DOK7: variants seen among roughly 807,000 people sequenced by gnomAD.
DOK7 encodes docking protein 7, also known as protein Dok-7.
DOK7 carries 32 observed loss-of-function variants against 30.7 expected under a neutral mutation model. The ratio of observed to expected loss-of-function variants is 1.04; its 90% CI spans 0.79 to 1.40. The LOEUF (loss-of-function observed/expected upper bound fraction) is 1.40, where lower values mean the gene tolerates loss of function less well. Ranked by LOEUF, DOK7 falls within the 40% of genes most tolerant of loss-of-function variation. The pLI is 0.00. For synonymous variants in DOK7, 447 were observed against 324.1 expected, an observed-to-expected ratio of 1.38 and a Z score of -4.07; for missense variants, 1,007 against 699.2, an observed-to-expected ratio of 1.44 and a Z score of -4.97.
At chr4:3,495,263 T>C (rs957757162), downstream of DOK7, among the ~76,000 whole-genome samples, 4 of 152,186 alleles carry the variant, frequency 2.6e-5, no homozygotes, top group Admixed American at 6.5e-5. Context: ...GCCGCGCCAG[T>C]CTTGTTGCAG....
downstream of DOK7, among the ~76,000 whole-genome samples, chr4:3,495,849 C>T (rs1728880204): frequency 6.6e-6 from 1 of 152,206 alleles, no homozygotes; most frequent in African/African-American, 2.4e-5. Context: ...GTGATGAGCT[C>T]AGGGGGTGTC....
Position 3,493,317 on chromosome 4 carries a change from C to T in DOK7, c.1331C>T (p.Ser444Phe). 3 of 1,604,210 alleles carry T rather than the reference C, an allele frequency of 1.9e-6. No homozygotes were observed. The highest frequency in any genetic ancestry group is 2.6e-6 in the Non-Finnish European group (3 of 1,175,712). The change falls in exon 7 of 7, where the codon TCT becomes TTT. Residue 444 changes from serine (S) to phenylalanine (F), a missense_variant. Coordinates refer to ENST00000340083, the MANE Select transcript of DOK7 (RefSeq NM_173660.5). ...SGGQTSAGCP[S>F]GWLGTRRRGL... ...GGCCAGACGTCCGCCGGGTGTCCCT[C>T]TGGCTGGCTGGGCACGAGACGGCGG...
Position 3,493,120 on chromosome 4 carries a change from G to A in DOK7, c.1134G>A (p.Ala378=), listed in dbSNP as rs6831659. The A allele has an allele frequency of 0.21, 330,163 of 1,590,450 alleles. 38,311 individuals are homozygous for A. The highest frequency in any genetic ancestry group is 0.51 in the East Asian group (22,012 of 43,516). The stretch of plus-strand genomic sequence containing the variant: ...GCTCACTGCTCAGCCTGCCAGCAGC[G>A]GGGGCCCCCGAGCCCAGCCTGTGCA... The part of the protein sequence containing the change: ...ELGSLLSLPA[A]GAPEPSLCTC... The change falls in exon 7 of 7, where the codon GCG becomes GCA. Residue 378 remains alanine (A), a synonymous_variant. Transcript: ENST00000340083.
At chr4:3,477,786 T>C (rs1284174189) in intron 4 of DOK7, among the ~76,000 whole-genome samples, 1 of 113,146 alleles carries the variant, frequency 8.8e-6, no homozygotes, top group Non-Finnish European at 1.7e-5. Flanking sequence ...AGAGCCAGTA[T>C]GGATGGGCAG....
At chr4:3,490,504 T>C (rs1383534743) in intron 6 of DOK7, among the ~76,000 whole-genome samples, 26 of 113,648 alleles carry the variant, frequency 2.3e-4, no homozygotes, top group African/African-American at 7.6e-4. Context: ...CTTTTCCCCC[T>C]GCTCATTCTT....
At chr4:3,477,149 G>A (rs887384283) in intron 4 of DOK7, among the ~76,000 whole-genome samples, 3 of 149,428 alleles carry the variant, frequency 2.0e-5, no homozygotes, top group Admixed American at 6.7e-5. Context: ...GGTGCCCGCC[G>A]GGGCTGTGCA....
In DOK7 at chr4:3,463,338, G is replaced by C. The variant is rs1313467341; in HGVS notation, c.-38G>C. The C allele has an allele frequency of 4.2e-6, 6 of 1,438,366 alleles. No homozygotes were observed. The highest frequency in any genetic ancestry group is 4.5e-6 in the Non-Finnish European group (5 of 1,107,692). The allele number at this position is 1,438,366 out of a possible 1,614,324, so 89.1% of individuals were successfully genotyped here. On this transcript the variant is annotated 5_prime_UTR_variant, in exon 1 of 7. Coordinates refer to ENST00000340083, the MANE Select transcript of DOK7 (RefSeq NM_173660.5). ...TTTGAAAGTGACCCTGGGCTGGGGC[G>C]CCGGGGCGAGCGCGGCGGCGCGGAA...
intron 2 of DOK7, among the ~76,000 whole-genome samples, chr4:3,473,194 G>A (rs2109335335): frequency 6.6e-6 from 1 of 152,378 alleles, no homozygotes; most frequent in East Asian, 1.9e-4. Flanking sequence ...AATATTCTGA[G>A]TTCATTTCCG....
chr4:3,479,575 C>G (rs1010768934), intron 4 of DOK7, among the ~76,000 whole-genome samples: 1 of 152,234 alleles, frequency 6.6e-6, no homozygotes, highest in Non-Finnish European at 1.5e-5. Context: ...GCCTGGCCCC[C>G]GATCCCCAGA....
intron 4 of DOK7, among the ~76,000 whole-genome samples, chr4:3,481,643 T>C (rs1727450309): frequency 6.6e-6 from 1 of 152,150 alleles, no homozygotes; most frequent in Admixed American, 6.5e-5. Context: ...TTCTCAGTCC[T>C]GCCCATGCCT....
intron 4 of DOK7, among the ~76,000 whole-genome samples, chr4:3,483,046 T>G (rs1727527844): frequency 6.8e-6 from 1 of 146,388 alleles, no homozygotes. Flanking sequence ...AGGTCTGGGG[T>G]GTTCTAGGTG....
In DOK7 at chr4:3,481,888, C is replaced by T. The variant is rs547244640; in HGVS notation, c.533-3651C>T. ...AGTGCAACAGCTTTTTCACTGGAGACGTGTTTCTCAGGAAGCAGGTGCGTC... is the reference window on the plus strand; with the variant it reads ...AGTGCAACAGCTTTTTCACTGGAGATGTGTTTCTCAGGAAGCAGGTGCGTC... On this transcript the variant is annotated intron_variant, in intron 4 of 6. Transcript: ENST00000340083. 1.4e-4 allele frequency among the ~76,000 whole-genome samples: 21 copies of T among 152,252 alleles called. No homozygotes were observed. The Middle Eastern group carries it at 0.01, about 74-fold the overall frequency.
At position 3,493,631 on chromosome 4, in the gene DOK7, G is replaced by C; in HGVS notation, c.*130G>C. On this transcript the variant is annotated 3_prime_UTR_variant, in exon 7 of 7. Coordinates refer to ENST00000340083, the MANE Select transcript of DOK7 (RefSeq NM_173660.5). ...GGAGGGACCGGGGGTCTCCCGGAGA[G>C]GGGAGCTGGAGGGCGCGCCCTGTGG... 2.0e-6 allele frequency: 3 copies of C among 1,490,194 alleles called. No individual in the cohort carries two copies. In the South Asian group the frequency reaches 4.0e-5, roughly 20 times the overall value. The allele number at this position is 1,490,194 out of a possible 1,614,324, so 92.3% of individuals were successfully genotyped here.
chr4:3,475,296 C>T lies in DOK7; in HGVS notation c.332-1046C>T, dbSNP rs77063161. ...CCATGGCACAGAGGCCGCTGGGCAC[C>T]GCCCAGGCAGCTTCATCTTGATAGA... is the stretch of plus-strand genomic sequence containing the variant. On this transcript the variant is annotated intron_variant, in intron 3 of 6. Transcript: ENST00000340083. Among the ~76,000 whole-genome samples, 919 of 152,302 alleles carry T rather than the reference C, an allele frequency of 6.0e-3. 22 individuals are homozygous for T. The East Asian group carries it at 0.085, about 14-fold the overall frequency.
chr4:3,482,451 G>T (rs1288112176), intron 4 of DOK7, among the ~76,000 whole-genome samples: 1 of 152,272 alleles, frequency 6.6e-6, no homozygotes, highest in African/African-American at 2.4e-5. Context: ...CTTCTCAATA[G>T]GTTCCAAGAG....
intron 6 of DOK7, among the ~76,000 whole-genome samples, 168 bp from the exon 7 acceptor site, chr4:3,492,591 T>C (rs28735586): frequency 6.6e-6 from 1 of 150,896 alleles, no homozygotes; most frequent in African/African-American, 2.4e-5. Context: ...GGTAGAGGGG[T>C]TGTTGTTGGT....
Position 3,484,404 on chromosome 4 carries a change from C to T in DOK7, c.533-1135C>T, listed in dbSNP as rs543786824. ...GTTCTAATGCCGAGATTTCCCTTCC[C>T]CCCAACTCCTGCCCACCCCGGCGCC... On this transcript the variant is annotated intron_variant, in intron 4 of 6. Transcript: ENST00000340083. 59 of 755,656 alleles carry T rather than the reference C, an allele frequency of 7.8e-5. No individual in the cohort carries two copies. In the South Asian group the frequency reaches 2.7e-3, roughly 34 times the overall value. The allele number at this position is 755,656 out of a possible 1,614,324, so 46.8% of individuals were successfully genotyped here.
intron 5 of DOK7, among the ~76,000 whole-genome samples, chr4:3,488,029 G>A (rs760731074): frequency 5.3e-5 from 8 of 152,250 alleles, no homozygotes; most frequent in Non-Finnish European, 8.8e-5. Context: ...CCAGCAGGCC[G>A]TGTCGGGAGG....
chr4:3,473,567 A>G lies in DOK7; in HGVS notation c.262A>G (p.Met88Val). The G allele has an allele frequency of 6.2e-7, 1 of 1,610,220 alleles. No individual in the cohort carries two copies. The highest frequency in any genetic ancestry group is 1.1e-5 in the South Asian group (1 of 90,966). Reference sequence around the variant, plus strand: ...CATTGTCTGCCTGTCCCAGGCCATCATGCTGGGCTTTGACAGCCACGAGGC... The same window carrying G: ...CATTGTCTGCCTGTCCCAGGCCATCGTGCTGGGCTTTGACAGCCACGAGGC... Reference protein sequence around the residue: ...LAIVCLSQAIMLGFDSHEAMC... With the variant: ...LAIVCLSQAIVLGFDSHEAMC... Residue 88 changes from methionine to valine, a missense_variant, in exon 3 of 7, where the codon ATG becomes GTG. Physicochemically the swap from Met to Val is conservative, Grantham distance 21. Transcript: ENST00000340083.
Sources: allele counts gnomAD v4.1 joint callset (sites outside exome capture counted in the v4.1 genomes callset), GRCh38; gene constraint gnomAD v4.1.1; transcripts MANE v1.5; gene names NCBI Gene and HGNC (gene_info 2026-07-23, HGNC 2026-07-21).